The following SOX5 variants were observed in gnomAD, a reference collection of about 807,000 sequenced individuals.
SOX5 encodes the protein transcription factor SOX-5.
In SOX5, 9 loss-of-function variants were observed where a neutral mutation model predicts 92.0. The observed-to-expected ratio is 0.10, with a 90% CI of 0.06 to 0.17. The LOEUF (loss-of-function observed/expected upper bound fraction) is 0.17. SOX5 is among the 10% of genes least tolerant of loss of function. SOX5 has a pLI of 1.00. For synonymous variants in SOX5, 344 were observed against 336.3 expected (o/e 1.02, Z -0.25); for missense variants, 642 against 944.5 (o/e 0.68, Z 4.20).
intron 13 of SOX5, among the ~76,000 whole-genome samples, chr12:23,537,828 C>G (rs1009873559): frequency 2.0e-5 from 3 of 152,120 alleles, no homozygotes; most frequent in Non-Finnish European, 2.9e-5. Flanking sequence ...AAGAATGAAG[C>G]TGCGGACCCT....
At chr12:23,746,194 T>C (rs868323546) in intron 4 of SOX5, among the ~76,000 whole-genome samples, 1 of 152,166 alleles carries the variant, frequency 6.6e-6, no homozygotes, top group South Asian at 2.1e-4. Context: ...AGAGAGAACT[T>C]AATAAGTGGT....
intron 9 of SOX5, among the ~76,000 whole-genome samples, chr12:23,576,634 C>T (rs1407295272): frequency 6.6e-6 from 1 of 152,050 alleles, no homozygotes; most frequent in East Asian, 1.9e-4. Flanking sequence ...TATGGTTTGA[C>T]AGGTCAAAAC....
chr12:24,333,758 A>T (rs1951583749), intron 2 of SOX5, among the ~76,000 whole-genome samples: 1 of 151,468 alleles, frequency 6.6e-6, no homozygotes, highest in South Asian at 2.1e-4. Flanking sequence ...CAATATTGTT[A>T]GTTAACTTTT....
At chr12:23,707,377 C>A (rs573910617) in intron 6 of SOX5, among the ~76,000 whole-genome samples, 2 of 152,074 alleles carry the variant, frequency 1.3e-5, no homozygotes, top group Non-Finnish European at 2.9e-5. Flanking sequence ...TCCTATCTGT[C>A]GAGCCCCTTA....
chr12:24,331,877 G>GAAAAAAAAAAAAAAAAAAA (rs1351705166), intron 2 of SOX5, among the ~76,000 whole-genome samples: 1 of 88,950 alleles, frequency 1.1e-5, no homozygotes, highest in African/African-American at 4.2e-5. Flanking sequence ...AAAAAAAAAG[G>GAAAAAAAAAAAAAAAAAAA]AAAGAAATTT....
At chr12:24,269,668 C>A (rs919246333) in intron 3 of SOX5, among the ~76,000 whole-genome samples, 14 of 149,592 alleles carry the variant, frequency 9.4e-5, no homozygotes, top group African/African-American at 3.4e-4. Flanking sequence ...TATCCTTTAT[C>A]ACATTTCTTT....
At chr12:23,736,995 C>T (rs941859866) in intron 5 of SOX5, among the ~76,000 whole-genome samples, 9 of 146,626 alleles carry the variant, frequency 6.1e-5, no homozygotes, top group Non-Finnish European at 1.0e-4. Context: ...GCCCGACCTA[C>T]GATTTTTTTT....
intron 1 of SOX5, among the ~76,000 whole-genome samples, chr12:24,538,505 C>G (rs1188414685): frequency 6.6e-6 from 1 of 151,816 alleles, no homozygotes; most frequent in Non-Finnish European, 1.5e-5. Flanking sequence ...CCGGTCAGAT[C>G]AGAACACTTT....
At chr12:24,402,746 A>T (rs1962043715) in intron 1 of SOX5, among the ~76,000 whole-genome samples, 1 of 152,182 alleles carries the variant, frequency 6.6e-6, no homozygotes, top group Non-Finnish European at 1.5e-5. Flanking sequence ...AGAAATTTGT[A>T]CTTTTGCAAC....
At chr12:23,913,526 G>C (rs6487365) in intron 1 of SOX5, among the ~76,000 whole-genome samples, 1 of 151,778 alleles carries the variant, frequency 6.6e-6, no homozygotes, top group Non-Finnish European at 1.5e-5. Context: ...TCACGAGGTC[G>C]GGAGTTCGAG....
intron 2 of SOX5, among the ~76,000 whole-genome samples, chr12:24,285,949 T>C (rs767286238): frequency 1.3e-5 from 2 of 152,230 alleles, no homozygotes; most frequent in African/African-American, 4.8e-5. Context: ...TATAGCTACA[T>C]GAAGACATCC....
chr12:24,492,563 T>C (rs575721875), intron 1 of SOX5, among the ~76,000 whole-genome samples: 3 of 152,292 alleles, frequency 2.0e-5, no homozygotes, highest in South Asian at 4.1e-4. Flanking sequence ...CTAAAGTTGC[T>C]TTGAAAAGTC....
At chr12:23,719,807 A>AAAAAAAAAAC (rs1567209060) in intron 6 of SOX5, among the ~76,000 whole-genome samples, 6 of 140,740 alleles carry the variant, frequency 4.3e-5, no homozygotes, top group East Asian at 2.2e-4. Flanking sequence ...AAAAAAAAAA[A>AAAAAAAAAAC]AAAACTGATG....
chr12:24,095,604 G>A (rs1273483774), intron 4 of SOX5, among the ~76,000 whole-genome samples: 1 of 152,048 alleles, frequency 6.6e-6, no homozygotes, highest in Non-Finnish European at 1.5e-5. Context: ...TGTATTACAA[G>A]ATTATCATTA....
intron 3 of SOX5, among the ~76,000 whole-genome samples, chr12:24,243,658 TTAAC>T (rs1258793254): frequency 8.5e-5 from 13 of 152,178 alleles, no homozygotes; most frequent in African/African-American, 3.1e-4. Flanking sequence ...ATAGAATGAT[TTAAC>T]TAACCACTTA....
rs1199126441 is a variant in SOX5, at chr12:23,556,522, C to CG, written c.1488+6735_1488+6736insC. 2.6e-5 allele frequency among the ~76,000 whole-genome samples: 4 copies of CG among 152,264 alleles called. No homozygotes were observed. The South Asian group carries it at 6.2e-4, about 24-fold the overall frequency. On this transcript the variant is annotated intron_variant, in intron 11 of 14. Transcript: ENST00000451604. ...AAACATTGGGAACATTTTTTAAAAA[C>CG]ACACACACCCCTAGTAAAATCTGCT...
chr12:23,731,341 T>C (rs1305929417), intron 6 of SOX5, among the ~76,000 whole-genome samples: 1 of 152,192 alleles, frequency 6.6e-6, no homozygotes, highest in Non-Finnish European at 1.5e-5. Context: ...AATCACCCAG[T>C]AAGTCCCCTC....
chr12:24,272,771 T>G (rs1943928454), intron 3 of SOX5, among the ~76,000 whole-genome samples: 1 of 152,238 alleles, frequency 6.6e-6, no homozygotes, highest in African/African-American at 2.4e-5. Context: ...AAATTTGAAT[T>G]GCTAATATTC....
intron 11 of SOX5, among the ~76,000 whole-genome samples, chr12:23,554,096 A>AT (rs1565764350): frequency 1.3e-5 from 2 of 152,240 alleles, no homozygotes; most frequent in East Asian, 3.9e-4. Flanking sequence ...AGAAAAATAT[A>AT]TATTAGAATA....
Sources: gnomAD v4.1 joint callset for allele counts (sites outside exome capture counted in the v4.1 genomes callset) on GRCh38, gnomAD v4.1.1 for gene constraint, MANE v1.5 for transcripts, NCBI Gene and HGNC (gene_info 2026-07-23, HGNC 2026-07-21) for gene names.